KALRN: variants seen among roughly 807,000 people sequenced by gnomAD.
KALRN encodes the protein kalirin.
KALRN carries 70 observed loss-of-function variants against 353.7 expected under a neutral mutation model. The observed-to-expected ratio is 0.20, with a 90% CI of 0.16 to 0.24. KALRN has a LOEUF of 0.24. Among genes scored for constraint, KALRN ranks in the 10% least tolerant of loss-of-function variants. The probability of loss-of-function intolerance (pLI) is 1.00; values close to 1 mark genes in which losing one functional copy is unlikely to be tolerated. For synonymous variants in KALRN, 1,391 were observed against 1,434.8 expected, an observed-to-expected ratio of 0.97 and a Z score of 0.69; for missense variants, 2,791 against 3,756.7, an observed-to-expected ratio of 0.74 and a Z score of 6.72.
intron 1 of KALRN, among the ~76,000 whole-genome samples, chr3:124,140,757 A>C (rs938236969): frequency 1.3e-5 from 2 of 152,174 alleles, no homozygotes; most frequent in East Asian, 3.9e-4. Context: ...ACCAGAGCAT[A>C]CAGTTTCCAA....
chr3:124,293,483 G>T (rs990342888), intron 5 of KALRN, among the ~76,000 whole-genome samples: 1 of 151,932 alleles, frequency 6.6e-6, no homozygotes, highest in Non-Finnish European at 1.5e-5. Context: ...AGGAGAAAAA[G>T]GTTTCTGTTT....
At chr3:124,684,002 T>C (rs1411832088) in intron 51 of KALRN, among the ~76,000 whole-genome samples, 1 of 152,230 alleles carries the variant, frequency 6.6e-6, no homozygotes, top group African/African-American at 2.4e-5. Flanking sequence ...CATTTTTGAG[T>C]GTGTGGTTCA....
At chr3:124,315,680 T>C (rs2078739657) in intron 6 of KALRN, among the ~76,000 whole-genome samples, 2 of 151,948 alleles carry the variant, frequency 1.3e-5, no homozygotes, top group South Asian at 2.1e-4. Context: ...CACTTACACA[T>C]ACTCATCTAT....
chr3:124,120,737 T>C (rs1436639888), intron 1 of KALRN, among the ~76,000 whole-genome samples: 1 of 145,090 alleles, frequency 6.9e-6, no homozygotes, highest in Non-Finnish European at 1.5e-5. Flanking sequence ...TATATATATA[T>C]ATATATATTT....
At position 124,496,016 on chromosome 3, in the gene KALRN, CACACAT is replaced by C. The variant is rs1407671059; in HGVS notation, c.4833-293_4833-288del. 1.4e-3 allele frequency among the ~76,000 whole-genome samples: 42 copies of C among 30,150 alleles called. 9 individuals carry two copies. In the East Asian group the frequency reaches 0.085, roughly 61 times the overall value. 19.8% of individuals were successfully genotyped at this position (30,150 alleles called of 152,430 possible). Reference sequence around the variant, plus strand: ...ATATATATATATATATATATATACACACACATATATACATACATACACCCCCTCTGC... The same window carrying C: ...ATATATATATATATATATATATACACATATACATACATACACCCCCTCTGC... On this transcript the variant is annotated intron_variant, in intron 32 of 59. Transcript: ENST00000682506.
intron 33 of KALRN, among the ~76,000 whole-genome samples, chr3:124,525,035 C>G (rs2067470936): frequency 6.6e-6 from 1 of 152,202 alleles, no homozygotes; most frequent in African/African-American, 2.4e-5. Flanking sequence ...GCAGCTGGTT[C>G]TCAGATCTGT....
chr3:124,525,442 A>C (rs919391692), intron 33 of KALRN, among the ~76,000 whole-genome samples: 1 of 152,132 alleles, frequency 6.6e-6, no homozygotes, highest in African/African-American at 2.4e-5. Flanking sequence ...TTGTTATGGC[A>C]TGCATCTGAG....
chr3:124,068,737 T>C (rs1487389820), intron 1 of KALRN, among the ~76,000 whole-genome samples: 4 of 152,160 alleles, frequency 2.6e-5, no homozygotes, highest in Non-Finnish European at 4.4e-5. Context: ...TGAATAATGA[T>C]TATTGACAGA....
Position 124,540,753 on chromosome 3 carries a change from G to T in KALRN, c.4936-22090G>T, listed in dbSNP as rs1273230342. On this transcript the variant is annotated intron_variant, in intron 33 of 59. Transcript: ENST00000682506. ...TGCTGTGAAGGTCAATTTTTTGGCA[G>T]ATCTAGGGCCACTCCGTGGGCACCA... Among the ~76,000 whole-genome samples, 3 of 152,180 alleles carry T rather than the reference G, an allele frequency of 2.0e-5. No individual in the cohort carries two copies. The East Asian group carries it at 5.8e-4, about 29-fold the overall frequency.
intron 17 of KALRN, among the ~76,000 whole-genome samples, chr3:124,434,891 T>C (rs576898121): frequency 6.6e-6 from 1 of 152,348 alleles, no homozygotes; most frequent in East Asian, 1.9e-4. Context: ...ACATTTATTT[T>C]TTTCTTAAGT....
intron 11 of KALRN, among the ~76,000 whole-genome samples, chr3:124,389,001 G>A (rs2088900639): frequency 1.3e-5 from 2 of 152,180 alleles, no homozygotes; most frequent in South Asian, 2.1e-4. Flanking sequence ...TTGAGTTGCT[G>A]TGGTTGCTTT....
rs1192765911 is a variant in KALRN at position 124,388,514 on chromosome 3, A to G, written c.1962+3478A>G. ...CTAGAGATACTACTGTGTCTGATAC[A>G]CAGAGGTGCTCAATAAGTATTGAAT... On this transcript the variant is annotated intron_variant, in intron 11 of 59. Coordinates refer to ENST00000682506, the MANE Select transcript of KALRN (RefSeq NM_001388419.1). Among the ~76,000 whole-genome samples, 12 of 152,202 alleles carry G rather than the reference A, an allele frequency of 7.9e-5. No individual in the cohort carries two copies. In the East Asian group the frequency reaches 2.1e-3, roughly 27 times the overall value.
chr3:124,182,625 G>A (rs1268898762), intron 1 of KALRN, among the ~76,000 whole-genome samples: 2 of 152,240 alleles, frequency 1.3e-5, no homozygotes, highest in Non-Finnish European at 2.9e-5. Flanking sequence ...TACAAAGCCA[G>A]TATATACTCA....
chr3:124,685,552 A>G (rs4678144), intron 51 of KALRN, among the ~76,000 whole-genome samples: 24,151 of 152,224 alleles, frequency 0.16, 2,417 homozygotes, highest in Middle Eastern at 0.28. Context: ...TGGCTCAAGT[A>G]CTTTCTTAAC....
Position 124,657,795 on chromosome 3 carries a change from A to G in KALRN, c.6028A>G (p.Ile2010Val). 2 of 1,611,158 alleles carry G rather than the reference A, an allele frequency of 1.2e-6. No homozygotes were observed. The highest frequency in any genetic ancestry group is 1.7e-6 in the Non-Finnish European group (2 of 1,177,318). The part of the protein sequence containing the change: ...QEQDRLAQLF[I>V]KHERKLHIYV... ...GCAAGACAGATTGGCACAGCTCTTT[A>G]TTAAGCACGTGAGTGTCTCCCATCA... Residue 2010 changes from isoleucine (I) to valine (V), a missense_variant, in exon 41 of 60, where the codon ATT (isoleucine) becomes GTT (valine). Ile to Val is a conservative substitution (Grantham distance 29). This residue lies in a region of KALRN where 1,065 missense variants were observed against 1,156.4 expected (regional missense o/e 0.92). Transcript: ENST00000682506.
At chr3:124,296,035 G>T (rs527624091) in intron 5 of KALRN, among the ~76,000 whole-genome samples, 1 of 152,262 alleles carries the variant, frequency 6.6e-6, no homozygotes, top group East Asian at 1.9e-4. Flanking sequence ...TGGTCCTTTC[G>T]TCCTTTCTTT....
intron 50 of KALRN, chr3:124,678,645 G>A (rs2087471684): frequency 5.1e-6 from 1 of 197,832 alleles, no homozygotes; most frequent in South Asian, 9.2e-5. Flanking sequence ...CTGCCATTTG[G>A]TACCCTAGGT....
At chr3:124,635,512 A>G (rs1351853367) in intron 36 of KALRN, among the ~76,000 whole-genome samples, 1 of 151,726 alleles carries the variant, frequency 6.6e-6, no homozygotes, top group Non-Finnish European at 1.5e-5. Context: ...AGATACATGA[A>G]CTCTCCTTAT....
At chr3:124,068,620 C>G (rs2042575610) in intron 1 of KALRN, among the ~76,000 whole-genome samples, 1 of 152,200 alleles carries the variant, frequency 6.6e-6, no homozygotes, top group Non-Finnish European at 1.5e-5. Flanking sequence ...CCCCATCTGC[C>G]TTCATCATAG....
Sources: allele counts gnomAD v4.1 joint callset (sites outside exome capture counted in the v4.1 genomes callset), GRCh38; gene constraint gnomAD v4.1.1; regional missense constraint gnomAD v4.1.1; transcripts MANE v1.5; gene names NCBI Gene and HGNC (gene_info 2026-07-23, HGNC 2026-07-21).